The following NCKAP5 variants were observed in gnomAD, a reference collection of about 807,000 sequenced individuals.
NCKAP5 encodes the protein NCK associated protein 5.
NCKAP5 carries 92 observed loss-of-function variants against 167.0 expected under a neutral mutation model. That is an observed-to-expected ratio of 0.55 (90% CI 0.47 to 0.66). The LOEUF is 0.66. Among genes scored for constraint, NCKAP5 ranks in the 30% least tolerant of loss-of-function variants. NCKAP5 has a pLI of 0.00. For missense variants in NCKAP5, 2,378 were observed against 2,315.0 expected (o/e 1.03, Z -0.56); for synonymous variants, 891 against 877.4 (o/e 1.02, Z -0.27).
rs1316944183 is a variant in NCKAP5 at position 132,911,415 on chromosome 2, A to C, written c.580-32499T>G. ...TGGTTGACATTCTGACTTTTTGGCA[A>C]ATTTTAGTTCATCATTGACTTTTAT... On this transcript the variant is annotated intron_variant, in intron 8 of 19. Transcript: ENST00000409261. Among the ~76,000 whole-genome samples the C allele has an allele frequency of 5.9e-5, 9 of 152,300 alleles. No individual in the cohort carries two copies. In the East Asian group the frequency reaches 1.5e-3, roughly 26 times the overall value.
chr2:133,099,746 T>C (rs2081446117), intron 6 of NCKAP5, among the ~76,000 whole-genome samples: 1 of 152,364 alleles, frequency 6.6e-6, no homozygotes, highest in South Asian at 2.1e-4. Context: ...ACTTTTTTCC[T>C]TAACCATCCC....
intron 5 of NCKAP5, among the ~76,000 whole-genome samples, chr2:133,204,371 T>TC (rs1017630950): frequency 4.6e-5 from 7 of 152,096 alleles, no homozygotes; most frequent in Non-Finnish European, 8.8e-5. Context: ...AACTGAAGAC[T>TC]CCCCCCCATC....
rs1033147198 is a variant in NCKAP5, at chr2:133,202,000, A to G, written c.207+11716T>C. 3.9e-5 allele frequency among the ~76,000 whole-genome samples: 6 copies of G among 152,326 alleles called. No homozygotes were observed. In the East Asian group the frequency reaches 5.8e-4, roughly 15 times the overall value. ...GATTCAATGCCATCCCCATCAGGCT[A>G]CCAATGACTTTCTTCACAGAGTTGG... On this transcript the variant is annotated intron_variant, in intron 5 of 19. Transcript: ENST00000409261.
chr2:133,235,170 T>G (rs1293686817), intron 4 of NCKAP5, among the ~76,000 whole-genome samples: 5 of 151,892 alleles, frequency 3.3e-5, no homozygotes, highest in African/African-American at 1.2e-4. Flanking sequence ...CAATTAGAAA[T>G]TGGTCTGCTC....
At chr2:132,920,733 G>GTTAGTT (rs1297247592) in intron 8 of NCKAP5, among the ~76,000 whole-genome samples, 21 of 53,726 alleles carry the variant, frequency 3.9e-4, no homozygotes, top group African/African-American at 1.6e-3. Flanking sequence ...ATATATATAT[G>GTTAGTT]TATATATATG....
chr2:132,785,204 T>C lies in NCKAP5; in HGVS notation c.1607A>G (p.Lys536Arg). Residue 536 changes from lysine to arginine, a missense_variant, in exon 14 of 20, where the codon AAG becomes AGG. By Grantham distance (26) the Lys-to-Arg change is conservative. This residue lies in a region of NCKAP5 where 1,049 missense variants were observed against 1,023.4 expected (regional missense o/e 1.02). Coordinates refer to ENST00000409261, the MANE Select transcript of NCKAP5 (RefSeq NM_207363.3). ...ACAGCTGCTGGCGCAACTTGTCAGC[T>C]TTTCAGGCCTTTCCTTGGGATAAAC... ...SSVYPKERPE[K>R]LTSCASSCPL... 2 of 1,573,338 alleles carry C rather than the reference T, an allele frequency of 1.3e-6. No individual in the cohort carries two copies. Among genetic ancestry groups the C allele is most frequent in the Non-Finnish European group, 1.7e-6 (2 of 1,162,174 alleles).
chr2:133,159,050 T>G (rs1014954010), intron 5 of NCKAP5, among the ~76,000 whole-genome samples: 1 of 151,880 alleles, frequency 6.6e-6, no homozygotes, highest in African/African-American at 2.4e-5. Flanking sequence ...GGAAGATTGT[T>G]TTGGATTATA....
intron 3 of NCKAP5, among the ~76,000 whole-genome samples, chr2:133,493,504 A>C (rs1681654151): frequency 6.6e-6 from 1 of 152,206 alleles, no homozygotes; most frequent in Admixed American, 6.5e-5. Flanking sequence ...CCACGGGAGT[A>C]AAGAATTTTG....
intron 3 of NCKAP5, among the ~76,000 whole-genome samples, chr2:133,337,205 C>T (rs1683272232): frequency 6.6e-6 from 1 of 152,160 alleles, no homozygotes; most frequent in Non-Finnish European, 1.5e-5. Context: ...ACTCAACATA[C>T]CTGGGTTTAA....
At chr2:133,418,101 T>C (rs1689236177) in intron 3 of NCKAP5, among the ~76,000 whole-genome samples, 1 of 152,224 alleles carries the variant, frequency 6.6e-6, no homozygotes, top group Non-Finnish European at 1.5e-5. Flanking sequence ...CAACATATGA[T>C]TTAAGCCTTT....
chr2:132,728,859 G>A lies in NCKAP5; in HGVS notation c.5537C>T (p.Pro1846Leu), dbSNP rs201643159. Reference sequence around the variant, plus strand: ...AACTTCACTCCCCCAGTCTGGAAGCGGCTGGCTTGCCATTGGGTCTTCAGC... The same window carrying A: ...AACTTCACTCCCCCAGTCTGGAAGCAGCTGGCTTGCCATTGGGTCTTCAGC... Reference protein sequence around the residue: ...GYAEDPMASQPLPDWGSEVAA... With the variant: ...GYAEDPMASQLLPDWGSEVAA... The change falls in exon 18 of 20, where the codon CCG becomes CTG. Residue 1846 changes from proline to leucine, a missense_variant. Transcript: ENST00000409261. 83 of 1,613,948 alleles carry A rather than the reference G, an allele frequency of 5.1e-5. 1 individual carries two copies. In the African/African-American group the frequency reaches 6.0e-4, roughly 12 times the overall value.
At chr2:132,684,136 T>G (rs887803953) in intron 19 of NCKAP5, among the ~76,000 whole-genome samples, 1 of 152,246 alleles carries the variant, frequency 6.6e-6, no homozygotes, top group East Asian at 1.9e-4. Context: ...AACTTCATTT[T>G]TGTCTCACAT....
intron 11 of NCKAP5, among the ~76,000 whole-genome samples, chr2:132,812,395 A>G (rs1361041059): frequency 6.6e-6 from 1 of 152,206 alleles, no homozygotes; most frequent in Non-Finnish European, 1.5e-5. Flanking sequence ...CTGAGGGACA[A>G]GAGAGGCTAA....
chr2:133,083,189 C>G lies in NCKAP5; in HGVS notation c.341+46789G>C, dbSNP rs540830888. 9.2e-5 allele frequency among the ~76,000 whole-genome samples: 14 copies of G among 152,258 alleles called. No individual in the cohort carries two copies. The East Asian group carries it at 2.5e-3, about 27-fold the overall frequency. On this transcript the variant is annotated intron_variant, in intron 6 of 19. Transcript: ENST00000409261. ...ATTCGCTGTAAGAGAATTATATGAGCTTTCTTCTTATGGCCACTTGCATAT... is the reference window on the plus strand; with the variant it reads ...ATTCGCTGTAAGAGAATTATATGAGGTTTCTTCTTATGGCCACTTGCATAT...
At chr2:133,044,399 G>A (rs1205133845) in intron 6 of NCKAP5, among the ~76,000 whole-genome samples, 1 of 151,942 alleles carries the variant, frequency 6.6e-6, no homozygotes, top group Non-Finnish European at 1.5e-5. Context: ...AACAATCCAA[G>A]GAAAATATAA....
At chr2:133,334,916 G>C (rs1275206134) in intron 3 of NCKAP5, among the ~76,000 whole-genome samples, 1 of 152,100 alleles carries the variant, frequency 6.6e-6, no homozygotes, top group Non-Finnish European at 1.5e-5. Context: ...GGCTGAGCTG[G>C]GTCTCTACTG....
At chr2:132,911,744 G>C (rs1694467778) in intron 8 of NCKAP5, among the ~76,000 whole-genome samples, 1 of 152,104 alleles carries the variant, frequency 6.6e-6, no homozygotes, top group South Asian at 2.1e-4. Flanking sequence ...AAAGGGCCCT[G>C]GTTCCCATCC....
At chr2:133,520,029 T>TAA (rs879297119) in intron 2 of NCKAP5, among the ~76,000 whole-genome samples, 22 of 143,508 alleles carry the variant, frequency 1.5e-4, no homozygotes, top group African/African-American at 5.6e-4. Flanking sequence ...CTACTAAAAA[T>TAA]AAAAAAAAAA....
intron 6 of NCKAP5, among the ~76,000 whole-genome samples, chr2:133,017,113 C>A (rs983385937): frequency 6.6e-6 from 1 of 152,182 alleles, no homozygotes; most frequent in African/African-American, 2.4e-5. Flanking sequence ...ACGATGTCTG[C>A]AGAATTTTTA....
Sources: gnomAD v4.1 joint callset for allele counts (sites outside exome capture counted in the v4.1 genomes callset) on GRCh38, gnomAD v4.1.1 for gene constraint, gnomAD v4.1.1 regional missense constraint, MANE v1.5 for transcripts, NCBI Gene and HGNC (gene_info 2026-07-23, HGNC 2026-07-21) for gene names.